Variants in CYB5R4 observed in about 807,000 individuals in gnomAD.
The protein encoded by CYB5R4 is N-terminal cytochrome b5 and cytochrome b5 oxidoreductase domain-containing protein.
Under a neutral mutation model 70.2 loss-of-function variants are expected in CYB5R4, and 55 were observed. The observed-to-expected ratio is 0.78, with a 90% CI of 0.63 to 0.98. The LOEUF is 0.98. Ranked by LOEUF, CYB5R4 falls within the 50% of genes least tolerant of loss-of-function variation. The pLI is 0.00. For missense variants in CYB5R4, 562 were observed against 612.6 expected (o/e 0.92, Z 0.87); for synonymous variants, 197 against 199.5 (o/e 0.99, Z 0.11).
chr6:83,926,442 C>T (rs953535736), intron 10 of CYB5R4: 1 of 151,872 alleles, frequency 6.6e-6, no homozygotes, highest in Non-Finnish European at 1.5e-5. Flanking sequence ...TTGGCAGAGT[C>T]GGTCTCTTCT....
intron 4 of CYB5R4, among the ~76,000 whole-genome samples, chr6:83,912,665 A>G (rs1189707811): frequency 6.6e-6 from 1 of 152,264 alleles, no homozygotes; most frequent in East Asian, 1.9e-4. Context: ...ATTAGTTACC[A>G]AGAGAAAACA....
chr6:83,909,757 G>GTTT (rs995190080), intron 4 of CYB5R4, among the ~76,000 whole-genome samples: 1 of 152,124 alleles, frequency 6.6e-6, no homozygotes, highest in African/African-American at 2.4e-5. Flanking sequence ...TATGCCAGTT[G>GTTT]TTTTTCACTG....
chr6:83,907,223 G>A (rs2129137415), intron 3 of CYB5R4, among the ~76,000 whole-genome samples: 1 of 152,206 alleles, frequency 6.6e-6, no homozygotes. Context: ...TTACAGGCAT[G>A]AGCCACCCCA....
chr6:83,878,441 G>A (rs186707503), intron 2 of CYB5R4, among the ~76,000 whole-genome samples: 7 of 151,902 alleles, frequency 4.6e-5, no homozygotes, highest in African/African-American at 9.7e-5. Flanking sequence ...TCCGCCTCCC[G>A]GGTTCACGCC....
chr6:83,909,164 A>G (rs1310404269), intron 4 of CYB5R4, 74 bp downstream of exon 4: 3 of 1,231,052 alleles, frequency 2.4e-6, no homozygotes, highest in East Asian at 2.4e-5. Flanking sequence ...GATTTAAACA[A>G]CTAGGTCTAT....
rs1295459045 is a variant in CYB5R4 at position 83,955,593 on chromosome 6, A to C, written c.1511+131A>C. Reference sequence around the variant, plus strand: ...AATCTTACAGTTTTAGAAAATAACAAAGTCTTTAAATCTTCGTATAGTTTG... The same window carrying C: ...AATCTTACAGTTTTAGAAAATAACACAGTCTTTAAATCTTCGTATAGTTTG... On this transcript the variant is annotated intron_variant, in intron 15 of 15. Coordinates refer to ENST00000369681, the MANE Select transcript of CYB5R4 (RefSeq NM_016230.4). 3 of 875,976 alleles carry C rather than the reference A, an allele frequency of 3.4e-6. No homozygotes were observed. The African/African-American group carries it at 5.1e-5, about 15-fold the overall frequency. The allele number at this position is 875,976 out of a possible 1,614,324, so 54.3% of individuals were successfully genotyped here.
At position 83,936,396 on chromosome 6, in the gene CYB5R4, T is replaced by G. The variant is rs777027069; in HGVS notation, c.1108+20T>G. 4 of 1,607,114 alleles carry G rather than the reference T, an allele frequency of 2.5e-6. No individual in the cohort carries two copies. In the Admixed American group the frequency reaches 6.7e-5, roughly 27 times the overall value. ...AGATTGGTTAGTATTTTTACATTTT[T>G]TAAACCTCATTTGTGCTCTAGATTG... On this transcript the variant is annotated intron_variant, in intron 12 of 15. Coordinates refer to ENST00000369681, the MANE Select transcript of CYB5R4 (RefSeq NM_016230.4).
At position 83,864,299 on chromosome 6, in the gene CYB5R4, A is replaced by G. The variant is rs754058666; in HGVS notation, c.200A>G (p.Lys67Arg). The G allele has an allele frequency of 5.6e-6, 9 of 1,612,974 alleles. No homozygotes were observed. The East Asian group carries it at 2.0e-4, about 36-fold the overall frequency. Reference sequence around the variant, plus strand: ...GAAGAAGAACTTAAGAAACACAACAAAAAAGATGATTGTTGGATATGCATA... The same window carrying G: ...GAAGAAGAACTTAAGAAACACAACAGAAAAGATGATTGTTGGATATGCATA... ...VTEEELKKHNKKDDCWICIRG... is the reference protein window; with the variant it reads ...VTEEELKKHNRKDDCWICIRG... The change falls in exon 2 of 16, where the codon AAA (lysine) becomes AGA (arginine). Residue 67 changes from lysine to arginine, a missense_variant. Lys to Arg is a conservative substitution (Grantham distance 26). Coordinates refer to ENST00000369681, the MANE Select transcript of CYB5R4 (RefSeq NM_016230.4).
intron 14 of CYB5R4, among the ~76,000 whole-genome samples, chr6:83,950,906 G>A (rs1261160285): frequency 6.6e-6 from 1 of 151,942 alleles, no homozygotes; most frequent in Non-Finnish European, 1.5e-5. Context: ...TCATTGTATT[G>A]TGTGTTTTTT....
chr6:83,936,991 T>C (rs1349385490), intron 12 of CYB5R4, among the ~76,000 whole-genome samples: 1 of 152,170 alleles, frequency 6.6e-6, no homozygotes, highest in East Asian at 1.9e-4. Context: ...GACCCAAACA[T>C]GGGCTGGGTG....
In CYB5R4 at chr6:83,922,452, G is replaced by T. The variant is rs2099466533; in HGVS notation, c.673G>T (p.Val225Phe). Residue 225 changes from valine to phenylalanine, a missense_variant, in exon 9 of 16, where the codon GTT becomes TTT. Val to Phe is a conservative substitution (Grantham distance 50). Transcript: ENST00000369681. ...YLIHIGLSHEVQEDFSVRVVE... is the reference protein window; with the variant it reads ...YLIHIGLSHEFQEDFSVRVVE... ...GTCTGTCCTAGGGCTAAGCCATGAGGTTCAGGAAGATTTTTCTGGTAAGCT... is the reference window on the plus strand; with the variant it reads ...GTCTGTCCTAGGGCTAAGCCATGAGTTTCAGGAAGATTTTTCTGGTAAGCT... The T allele has an allele frequency of 1.2e-6, 2 of 1,613,216 alleles. No homozygotes were observed. Among genetic ancestry groups the T allele is most frequent in the Non-Finnish European group, 1.7e-6 (2 of 1,179,510 alleles).
intron 2 of CYB5R4, among the ~76,000 whole-genome samples, chr6:83,888,684 A>G (rs1338666812): frequency 6.6e-6 from 1 of 152,152 alleles, no homozygotes; most frequent in Non-Finnish European, 1.5e-5. Flanking sequence ...GACAATTAAT[A>G]TCCCTACATT....
intron 14 of CYB5R4, among the ~76,000 whole-genome samples, chr6:83,952,411 G>A (rs867640107): frequency 6.6e-6 from 1 of 152,098 alleles, no homozygotes; most frequent in African/African-American, 2.4e-5. Context: ...TTCCATTTTT[G>A]TGAGGGTGGG....
chr6:83,915,341 C>T (rs2099465334), intron 5 of CYB5R4, among the ~76,000 whole-genome samples: 1 of 152,134 alleles, frequency 6.6e-6, no homozygotes, highest in Non-Finnish European at 1.5e-5. Flanking sequence ...AGATGAGTTA[C>T]CTTTTTCTTT....
chr6:83,861,394 T>C (rs945821162), intron 1 of CYB5R4, among the ~76,000 whole-genome samples: 2 of 152,188 alleles, frequency 1.3e-5, no homozygotes, highest in African/African-American at 2.4e-5. Flanking sequence ...GTTGAGAAAA[T>C]AGAACCAAGT....
At chr6:83,867,240 T>C (rs2099456872) in intron 2 of CYB5R4, among the ~76,000 whole-genome samples, 1 of 152,054 alleles carries the variant, frequency 6.6e-6, no homozygotes, top group Non-Finnish European at 1.5e-5. Context: ...AGGATTTCAA[T>C]AGGAAATGAG....
chr6:83,897,411 C>G (rs1363682725), intron 3 of CYB5R4, among the ~76,000 whole-genome samples: 3 of 152,062 alleles, frequency 2.0e-5, no homozygotes, highest in Non-Finnish European at 1.5e-5. Flanking sequence ...GGGTATATAC[C>G]CAGTAATGGG....
chr6:83,907,125 T>C (rs1290964674), intron 3 of CYB5R4, among the ~76,000 whole-genome samples: 3 of 152,098 alleles, frequency 2.0e-5, no homozygotes, highest in Non-Finnish European at 2.9e-5. Flanking sequence ...TTGCCCAGGC[T>C]GGAATGTAGT....
rs948249675 is a variant in CYB5R4, at chr6:83,917,882, G to A, written c.446-123G>A. 1.6e-5 allele frequency: 12 copies of A among 728,002 alleles called. No individual in the cohort carries two copies. In the African/African-American group the frequency reaches 2.0e-4, roughly 12 times the overall value. The allele number at this position is 728,002 out of a possible 1,614,324, so 45.1% of individuals were successfully genotyped here. The stretch of plus-strand genomic sequence containing the variant: ...CTAAGATCAAGTGAAAATATATTGA[G>A]TAGTACATTTGTGATTTGTATCCTT... On this transcript the variant is annotated intron_variant, in intron 5 of 15. Coordinates refer to ENST00000369681, the MANE Select transcript of CYB5R4 (RefSeq NM_016230.4).
Sources: allele counts gnomAD v4.1 joint callset (sites outside exome capture counted in the v4.1 genomes callset), GRCh38; gene constraint gnomAD v4.1.1; transcripts MANE v1.5; gene names NCBI Gene and HGNC (gene_info 2026-07-23, HGNC 2026-07-21).